EBF1: variants seen among roughly 807,000 people sequenced by gnomAD.
EBF1 encodes transcription factor COE1.
EBF1 carries 10 observed loss-of-function variants against 68.4 expected under a neutral mutation model. That is an observed-to-expected ratio of 0.15 (90% CI 0.09 to 0.25). The LOEUF (loss-of-function observed/expected upper bound fraction) is 0.25, where lower values mean the gene tolerates loss of function less well. Ranked by LOEUF, EBF1 falls within the 10% of genes least tolerant of loss-of-function variation. The pLI is 1.00. For synonymous variants in EBF1, 298 were observed against 299.8 expected, an observed-to-expected ratio of 0.99 and a Z score of 0.06; for missense variants, 509 against 794.4, an observed-to-expected ratio of 0.64 and a Z score of 4.32.
At chr5:159,003,254 A>G (rs974468927) in intron 6 of EBF1, among the ~76,000 whole-genome samples, 2 of 152,202 alleles carry the variant, frequency 1.3e-5, no homozygotes, top group African/African-American at 4.8e-5. Context: ...GCAACAGCCG[A>G]AACAAAAACA....
At chr5:158,972,995 AT>A (rs1267414946) in intron 6 of EBF1, among the ~76,000 whole-genome samples, 1 of 152,180 alleles carries the variant, frequency 6.6e-6, no homozygotes, top group African/African-American at 2.4e-5. Flanking sequence ...TAGTTACTGT[AT>A]TTAAAATGAC....
intron 10 of EBF1, among the ~76,000 whole-genome samples, chr5:158,775,782 A>ACACACAT (rs1491128767): frequency 9.6e-6 from 1 of 104,614 alleles, no homozygotes; most frequent in Non-Finnish European, 2.0e-5. Context: ...ACATGCACAC[A>ACACACAT]GACACACACA....
chr5:158,918,022 G>C (rs1158128673), intron 6 of EBF1, among the ~76,000 whole-genome samples: 1 of 152,170 alleles, frequency 6.6e-6, no homozygotes, highest in Non-Finnish European at 1.5e-5. Context: ...AGACAGAAGA[G>C]AGAGAGAAGG....
chr5:159,096,143 C>A, intron 3 of EBF1, 200 bp downstream of exon 3: 2 of 609,180 alleles, frequency 3.3e-6, no homozygotes, highest in Non-Finnish European at 5.7e-6. Flanking sequence ...CAGGTAAACG[C>A]GAGACCGATA....
intron 6 of EBF1, among the ~76,000 whole-genome samples, chr5:158,870,876 T>C (rs1029785162): frequency 6.6e-6 from 1 of 152,182 alleles, no homozygotes; most frequent in Admixed American, 6.5e-5. Flanking sequence ...AAGGAATATT[T>C]AGTCTGATAG....
At chr5:158,838,489 C>CCATTCCTG (rs2127956210) in intron 7 of EBF1, among the ~76,000 whole-genome samples, 1 of 151,948 alleles carries the variant, frequency 6.6e-6, no homozygotes, top group African/African-American at 2.4e-5. Context: ...AGAAACATCC[C>CCATTCCTG]CATTCCTGTG....
At chr5:159,004,533 AGTAG>A (rs35066031) in intron 6 of EBF1, among the ~76,000 whole-genome samples, 2,480 of 150,520 alleles carry the variant, frequency 0.016, 24 homozygotes, top group Middle Eastern at 0.031. Context: ...ACAGAGAGGT[AGTAG>A]GTAGGTAGGT....
intron 6 of EBF1, chr5:159,019,231 C>T (rs921388060): frequency 1.3e-5 from 2 of 152,186 alleles, no homozygotes; most frequent in African/African-American, 4.8e-5. Flanking sequence ...AGTAAGCCAC[C>T]ACATAATTTA....
chr5:158,778,952 T>C (rs1775863724), intron 9 of EBF1, among the ~76,000 whole-genome samples: 1 of 152,188 alleles, frequency 6.6e-6, no homozygotes, highest in African/African-American at 2.4e-5. Context: ...TTTGTCTTTT[T>C]TTTTCCTGTT....
rs192464271 is a variant in EBF1 at position 158,757,539 on chromosome 5, G to T, written c.1036+19874C>A. Reference sequence around the variant, plus strand: ...GATGATTAATAAATATTTGTTGAATGAATAAATGGGGCACAGTGCAACATT... The same window carrying T: ...GATGATTAATAAATATTTGTTGAATTAATAAATGGGGCACAGTGCAACATT... On this transcript the variant is annotated intron_variant, in intron 10 of 15. Coordinates refer to ENST00000313708, the MANE Select transcript of EBF1 (RefSeq NM_024007.5). Among the ~76,000 whole-genome samples, 50 of 152,266 alleles carry T rather than the reference G, an allele frequency of 3.3e-4. No individual in the cohort carries two copies. In the South Asian group the frequency reaches 3.5e-3, roughly 11 times the overall value.
At chr5:158,832,037 A>G (rs75718551) in intron 7 of EBF1, among the ~76,000 whole-genome samples, 3,627 of 152,254 alleles carry the variant, frequency 0.024, 166 homozygotes, top group African/African-American at 0.083. Flanking sequence ...ATATAACTAG[A>G]GCTCTACAAG....
At chr5:158,810,795 C>G (rs1378741120) in intron 8 of EBF1, among the ~76,000 whole-genome samples, 1 of 152,144 alleles carries the variant, frequency 6.6e-6, no homozygotes, top group Non-Finnish European at 1.5e-5. Flanking sequence ...ATTTCTGCAC[C>G]CTGTGGGCTC....
chr5:158,810,602 T>C (rs538430187), intron 8 of EBF1, among the ~76,000 whole-genome samples: 93 of 152,178 alleles, frequency 6.1e-4, no homozygotes, highest in African/African-American at 2.1e-3. Context: ...GGATGAAAAA[T>C]GTGGGTTTGA....
At chr5:158,774,384 C>T (rs1774608801) in intron 10 of EBF1, among the ~76,000 whole-genome samples, 1 of 151,772 alleles carries the variant, frequency 6.6e-6, no homozygotes, top group African/African-American at 2.4e-5. Context: ...CTTTTAGAGA[C>T]ATTTACATCT....
intron 6 of EBF1, among the ~76,000 whole-genome samples, chr5:159,047,495 G>A (rs1007175156): frequency 1.9e-4 from 29 of 152,174 alleles, no homozygotes; most frequent in Non-Finnish European, 2.6e-4. Context: ...GGACAGAGCT[G>A]AGAGATAACT....
At chr5:158,842,458 C>G (rs1790522733) in intron 6 of EBF1, among the ~76,000 whole-genome samples, 1 of 152,192 alleles carries the variant, frequency 6.6e-6, no homozygotes, top group Admixed American at 6.5e-5. Flanking sequence ...AAACTGACAA[C>G]AAGAGTGGGT....
chr5:158,812,448 G>GT (rs1316519424), intron 8 of EBF1, among the ~76,000 whole-genome samples: 1 of 152,120 alleles, frequency 6.6e-6, no homozygotes, highest in Non-Finnish European at 1.5e-5. Context: ...ATTAGCACCA[G>GT]TAAGCTCCCC....
intron 6 of EBF1, among the ~76,000 whole-genome samples, chr5:158,910,320 A>C (rs540284104): frequency 6.6e-6 from 1 of 152,374 alleles, no homozygotes; most frequent in African/African-American, 2.4e-5. Context: ...CCCTTCTCAC[A>C]AAAGCATAAC....
chr5:159,028,095 T>C (rs1243604103), intron 6 of EBF1, among the ~76,000 whole-genome samples: 2 of 152,226 alleles, frequency 1.3e-5, no homozygotes, highest in Admixed American at 6.5e-5. Flanking sequence ...TTTAAGTATG[T>C]AGACGGTGCT....
Sources: allele counts gnomAD v4.1 joint callset (sites outside exome capture counted in the v4.1 genomes callset), GRCh38; gene constraint gnomAD v4.1.1; transcripts MANE v1.5; gene names NCBI Gene and HGNC (gene_info 2026-07-23, HGNC 2026-07-21).